Variants in CNTN4 observed in about 807,000 individuals in gnomAD.
CNTN4 encodes contactin 4.
Under a neutral mutation model 122.5 loss-of-function variants are expected in CNTN4, and 77 were observed. That is an observed-to-expected ratio of 0.63 (90% CI 0.52 to 0.76). The LOEUF (loss-of-function observed/expected upper bound fraction) is 0.76, where lower values mean the gene tolerates loss of function less well. Ranked by LOEUF, CNTN4 falls within the 30% of genes least tolerant of loss-of-function variation. CNTN4 has a pLI of 0.00. For missense variants in CNTN4, 1,256 were observed against 1,259.1 expected, an observed-to-expected ratio of 1.00 and a Z score of 0.04; for synonymous variants, 512 against 447.0, an observed-to-expected ratio of 1.15 and a Z score of -1.83.
At chr3:2,339,101 G>A (rs1384213398) in intron 2 of CNTN4, 77 bp from the exon 3 acceptor site, 2 of 152,038 alleles carry the variant, frequency 1.3e-5, no homozygotes, top group Non-Finnish European at 2.9e-5. Context: ...AAGATTACAG[G>A]TAAGCATCAC....
chr3:2,662,577 G>C (rs1393960290), intron 4 of CNTN4, among the ~76,000 whole-genome samples: 1 of 152,146 alleles, frequency 6.6e-6, no homozygotes, highest in Non-Finnish European at 1.5e-5. Flanking sequence ...AGGAAATGTG[G>C]GCTACTTCTG....
At chr3:2,321,547 C>G (rs996455041) in intron 2 of CNTN4, among the ~76,000 whole-genome samples, 1 of 151,896 alleles carries the variant, frequency 6.6e-6, no homozygotes, top group African/African-American at 2.4e-5. Context: ...ATTATTGTCA[C>G]TTTCAATCAC....
At chr3:2,600,008 CTTTTTTT>C (rs71058630) in intron 4 of CNTN4, among the ~76,000 whole-genome samples, 250 of 41,740 alleles carry the variant, frequency 6.0e-3, no homozygotes, top group African/African-American at 0.028. Flanking sequence ...TGGAATTCTT[CTTTTTTT>C]TTTTTTTTTT....
intron 3 of CNTN4, among the ~76,000 whole-genome samples, chr3:2,434,490 T>C (rs2048191341): frequency 1.3e-5 from 2 of 152,126 alleles, no homozygotes; most frequent in Non-Finnish European, 2.9e-5. Flanking sequence ...TGAACAAAGA[T>C]TGTAGTCCCA....
At chr3:2,632,232 G>A (rs1004601696) in intron 4 of CNTN4, among the ~76,000 whole-genome samples, 3 of 152,006 alleles carry the variant, frequency 2.0e-5, no homozygotes, top group Non-Finnish European at 4.4e-5. Flanking sequence ...TAGTGCAGTC[G>A]TATCTTATTT....
chr3:2,258,758 G>T (rs2040702329), intron 2 of CNTN4, among the ~76,000 whole-genome samples: 1 of 151,932 alleles, frequency 6.6e-6, no homozygotes, highest in Admixed American at 6.6e-5. Flanking sequence ...TCATGTCTTA[G>T]TCTGAGTTCC....
In CNTN4 at chr3:2,278,800, T is replaced by TA. The variant is rs36078018; in HGVS notation, c.-144-60372dup. Among the ~76,000 whole-genome samples, 7 of 149,878 alleles carry TA rather than the reference T, an allele frequency of 4.7e-5. 1 individual carries two copies. The highest frequency in any genetic ancestry group is 3.9e-4 in the Admixed American group (6 of 15,212). On this transcript the variant is annotated intron_variant, in intron 2 of 24. Transcript: ENST00000418658. ...CACTTCATAATATTACTGTGAGGAT[T>TA]AAAAAAGTAAGAACTAAGTCCAGTG...
At chr3:2,853,196 A>G (rs1015846362) in intron 7 of CNTN4, among the ~76,000 whole-genome samples, 18 of 150,244 alleles carry the variant, frequency 1.2e-4, no homozygotes, top group African/African-American at 3.7e-4. Flanking sequence ...AAAAAAAAGA[A>G]CAGTGTCCAC....
chr3:2,923,497 C>T (rs943593631), intron 12 of CNTN4, among the ~76,000 whole-genome samples: 27 of 152,120 alleles, frequency 1.8e-4, no homozygotes, highest in African/African-American at 5.8e-4. Context: ...ACAAAGCCTA[C>T]GAACACAGAT....
At chr3:2,122,124 C>T (rs2033837564) in intron 2 of CNTN4, among the ~76,000 whole-genome samples, 2 of 148,932 alleles carry the variant, frequency 1.3e-5, no homozygotes, top group South Asian at 4.2e-4. Context: ...CACTGCACTC[C>T]AGCCTGGGCG....
chr3:2,217,416 A>G (rs1353232979), intron 2 of CNTN4, among the ~76,000 whole-genome samples: 1 of 152,206 alleles, frequency 6.6e-6, no homozygotes, highest in African/African-American at 2.4e-5. Context: ...AACAAGATTT[A>G]TTGCTGTCAC....
intron 3 of CNTN4, chr3:2,362,539 C>T (rs2045200448): frequency 1.7e-6 from 1 of 603,472 alleles, no homozygotes; most frequent in East Asian, 4.8e-5. Flanking sequence ...TCCTAAGAAG[C>T]CCATTCCTCG....
chr3:2,333,473 C>A (rs924259771), intron 2 of CNTN4, among the ~76,000 whole-genome samples: 1 of 152,174 alleles, frequency 6.6e-6, no homozygotes, highest in Non-Finnish European at 1.5e-5. Context: ...CTGTAGGGAC[C>A]CTTGTTATCA....
intron 18 of CNTN4, 73 bp from the exon 19 acceptor site, chr3:3,038,860 C>T: frequency 7.8e-7 from 1 of 1,285,262 alleles, no homozygotes; most frequent in Non-Finnish European, 1.1e-6. Context: ...TGAGTCACCT[C>T]TGCCAGGCAA....
intron 2 of CNTN4, among the ~76,000 whole-genome samples, chr3:2,161,388 A>G (rs1378076485): frequency 2.6e-5 from 4 of 152,160 alleles, no homozygotes; most frequent in Non-Finnish European, 5.9e-5. Flanking sequence ...TTCATGAAGA[A>G]CAAGTAGAGG....
intron 3 of CNTN4, among the ~76,000 whole-genome samples, chr3:2,355,383 G>T (rs2044825319): frequency 6.6e-6 from 1 of 152,116 alleles, no homozygotes; most frequent in Admixed American, 6.5e-5. Flanking sequence ...CAATGTCTTG[G>T]CCAAGAAATC....
intron 13 of CNTN4, among the ~76,000 whole-genome samples, chr3:2,958,815 G>GA (rs1406787261): frequency 2.0e-5 from 3 of 152,124 alleles, no homozygotes; most frequent in African/African-American, 7.2e-5. Context: ...GGTATGCTAT[G>GA]AGTAATCCAG....
At chr3:2,660,869 A>G (rs1316650905) in intron 4 of CNTN4, among the ~76,000 whole-genome samples, 2 of 152,222 alleles carry the variant, frequency 1.3e-5, no homozygotes, top group East Asian at 3.9e-4. Context: ...TCCCACCTTT[A>G]TGCTTTTGAA....
chr3:2,183,551 A>G (rs1287811074), intron 2 of CNTN4, among the ~76,000 whole-genome samples: 1 of 152,122 alleles, frequency 6.6e-6, no homozygotes, highest in South Asian at 2.1e-4. Context: ...GGTGATATCT[A>G]TAAGTAGATT....
Sources: gnomAD v4.1 joint callset for allele counts (sites outside exome capture counted in the v4.1 genomes callset) on GRCh38, gnomAD v4.1.1 for gene constraint, MANE v1.5 for transcripts, NCBI Gene and HGNC (gene_info 2026-07-23, HGNC 2026-07-21) for gene names.